FAM131C: variants seen among roughly 807,000 people sequenced by gnomAD.
FAM131C encodes family with sequence similarity 131 member C.
In FAM131C, 14 loss-of-function variants were observed where a neutral mutation model predicts 29.8. That is an observed-to-expected ratio of 0.47 (90% confidence interval 0.31 to 0.73). FAM131C has a LOEUF of 0.73. FAM131C is among the 30% of genes least tolerant of loss of function. The pLI, the probability that FAM131C is intolerant of heterozygous loss-of-function variation, is 0.05. For missense variants in FAM131C, 252 were observed against 383.8 expected, an observed-to-expected ratio of 0.66 and a Z score of 2.87; for synonymous variants, 86 against 157.8, an observed-to-expected ratio of 0.54 and a Z score of 3.41.
At position 16,058,544 on chromosome 1, in the gene FAM131C, G is replaced by A. The variant is rs1238560091; in HGVS notation, c.736C>T (p.Arg246Trp). ...TCGGGTCCTTGGGCCCCGGGCAGCC[G>A]CCGCCGATGCTGCAGCTCTGGGCTG... Reference protein sequence around the residue: ...PPSPELQHRRRLPGAQGPEGG... With the variant: ...PPSPELQHRRWLPGAQGPEGG... The change falls in exon 7 of 7, where the codon CGG becomes TGG. Residue 246 changes from arginine to tryptophan, a missense_variant. By Grantham distance (101) the Arg-to-Trp change is moderately radical. Around this residue, in one of 6 missense-constraint regions of FAM131C, gnomAD observed 42 missense variants for 51.7 expected, o/e 0.81. Coordinates refer to ENST00000375662, the MANE Select transcript of FAM131C (RefSeq NM_182623.3). 8 of 1,526,440 alleles carry A rather than the reference G, an allele frequency of 5.2e-6. No homozygotes were observed. The highest frequency in any genetic ancestry group is 2.7e-5 in the African/African-American group (2 of 72,856). The allele number at this position is 1,526,440 out of a possible 1,614,324, so 94.6% of individuals were successfully genotyped here. A position where few individuals can be genotyped will look rare whatever the true frequency, so the allele number is the denominator to read the frequency against.
rs2023596119 is a variant in FAM131C at position 16,061,695 on chromosome 1, T to C, written c.268+404A>G. Among the ~76,000 whole-genome samples the C allele has an allele frequency of 6.6e-5, 10 of 152,124 alleles. No individual in the cohort carries two copies. In the South Asian group the frequency reaches 2.1e-3, roughly 32 times the overall value. ...CTGCAGAGCCCCTTCCGAAGGCCCCTCTGCCTCCCCCGCTGCCTGCTGGCT... is the reference window on the plus strand; with the variant it reads ...CTGCAGAGCCCCTTCCGAAGGCCCCCCTGCCTCCCCCGCTGCCTGCTGGCT... On this transcript the variant is annotated intron_variant, in intron 4 of 6. Transcript: ENST00000375662.
intron 1 of FAM131C, among the ~76,000 whole-genome samples, chr1:16,067,470 A>G (rs925879108): frequency 6.6e-6 from 1 of 152,090 alleles, no homozygotes; most frequent in African/African-American, 2.4e-5. Context: ...TCCTGACCTC[A>G]AGGTCAGAAT....
rs1298078641 is a variant in FAM131C, at chr1:16,059,894, C to A, written c.426G>T (p.Glu142Asp). Residue 142 changes from glutamate (E) to aspartate (D), a missense_variant, in exon 5 of 7, where the codon GAG becomes GAT. Around this residue, in one of 6 missense-constraint regions of FAM131C, gnomAD observed 38 missense variants for 32.7 expected, o/e 1.16. Transcript: ENST00000375662. ...EDEHYCCLPD[E>D]LREARFAAGV... is the part of the protein sequence containing the mutation. ...CTGCAGCAAAGCGGGCCTCACGCAG[C>A]TCATCCGGGAGGCAGCAGTAATGCT... is the stretch of plus-strand genomic sequence containing the variant. 1 of 1,294,518 alleles carries A rather than the reference C, an allele frequency of 7.7e-7. No individual in the cohort carries two copies. Among genetic ancestry groups the A allele is most frequent in the Non-Finnish European group, 1.0e-6 (1 of 1,001,496 alleles). 80.2% of individuals were successfully genotyped at this position (1,294,518 alleles called of 1,614,324 possible).
intron 1 of FAM131C, among the ~76,000 whole-genome samples, chr1:16,064,492 C>T (rs534852255): frequency 6.6e-6 from 1 of 152,154 alleles, no homozygotes; most frequent in Non-Finnish European, 1.5e-5. Flanking sequence ...CTCCCTCCTG[C>T]GGTGTCACTG....
chr1:16,072,825 A>T (rs2023766689), intron 1 of FAM131C, among the ~76,000 whole-genome samples: 2 of 151,842 alleles, frequency 1.3e-5, no homozygotes, highest in Non-Finnish European at 2.9e-5. Flanking sequence ...GTAACTGGGA[A>T]CATCAGCTGT....
intron 1 of FAM131C, among the ~76,000 whole-genome samples, chr1:16,064,723 G>A (rs1056589577): frequency 3.3e-5 from 5 of 152,008 alleles, no homozygotes; most frequent in Non-Finnish European, 5.9e-5. Context: ...CTCCCTTCTC[G>A]CTGGACGTGC....
In FAM131C at chr1:16,059,563, C is replaced by T. The variant is rs374959632; in HGVS notation, c.493G>A (p.Ala165Thr). The change falls in exon 6 of 7, where the codon GCT (alanine) becomes ACT (threonine). Residue 165 changes from alanine (A) to threonine (T), a missense_variant. Ala to Thr is a moderately conservative substitution (Grantham distance 58). Coordinates refer to ENST00000375662, the MANE Select transcript of FAM131C (RefSeq NM_182623.3). ...QFAITEATLS[A>T]WSSLDEEELH... is the part of the protein sequence containing the mutation. ...TCCTCTTCGTCCAGCGAGGACCAAG[C>T]GCTCAGTGTGGCCTCTGTGATGGCA... The T allele has an allele frequency of 9.3e-6, 15 of 1,606,318 alleles. No homozygotes were observed. The highest frequency in any genetic ancestry group is 4.0e-5 in the African/African-American group (3 of 74,512).
At chr1:16,068,418 C>T (rs761934925) in intron 1 of FAM131C, among the ~76,000 whole-genome samples, 1 of 152,210 alleles carries the variant, frequency 6.6e-6, no homozygotes, top group Non-Finnish European at 1.5e-5. Context: ...CCCTCAGTGT[C>T]TCTCTCTGGA....
intron 1 of FAM131C, among the ~76,000 whole-genome samples, chr1:16,071,378 C>A (rs1024571345): frequency 1.3e-5 from 2 of 152,194 alleles, no homozygotes; most frequent in African/African-American, 4.8e-5. Context: ...CTCAGTTTTC[C>A]CACTTGTAAG....
At chr1:16,065,910 T>TTCTTTTTC (rs1557480062) in intron 1 of FAM131C, among the ~76,000 whole-genome samples, 1 of 149,222 alleles carries the variant, frequency 6.7e-6, no homozygotes, top group South Asian at 2.1e-4. Flanking sequence ...TCTTTTCTTT[T>TTCTTTTTC]TTTTTTGGAG....
intron 3 of FAM131C, 38 bp from the exon 4 acceptor site, chr1:16,062,230 A>C (rs1293571354): frequency 1.3e-6 from 2 of 1,592,662 alleles, no homozygotes; most frequent in Non-Finnish European, 8.6e-7. Flanking sequence ...AGGGTGGGCC[A>C]GGCTGCCGGC....
intron 2 of FAM131C, 21 bp from the exon 3 acceptor site, chr1:16,062,555 G>A (rs1437075367): frequency 6.4e-7 from 1 of 1,567,370 alleles, no homozygotes; most frequent in Non-Finnish European, 8.6e-7. Context: ...AGGAGAGAGA[G>A]GATCAGGCAG....
intron 1 of FAM131C, among the ~76,000 whole-genome samples, chr1:16,064,911 A>G (rs1475535975): frequency 1.3e-5 from 2 of 152,040 alleles, no homozygotes; most frequent in Non-Finnish European, 2.9e-5. Flanking sequence ...TGCCCTCTTG[A>G]GCCTCGCTCT....
intron 1 of FAM131C, among the ~76,000 whole-genome samples, chr1:16,067,123 T>C (rs2023692435): frequency 6.6e-6 from 1 of 152,130 alleles, no homozygotes; most frequent in East Asian, 1.9e-4. Context: ...GGAGGACTCC[T>C]GGCTCCCACC....
At position 16,059,528 on chromosome 1, in the gene FAM131C, G is replaced by A. The variant is rs770837505; in HGVS notation, c.528C>T (p.Pro176=). 3.4e-5 allele frequency: 55 copies of A among 1,609,480 alleles called. No homozygotes were observed. Among genetic ancestry groups the A allele is most frequent in the Middle Eastern group, 1.7e-4 (1 of 6,058 alleles). The change falls in exon 6 of 7, where the codon CCC becomes CCT. Residue 176 remains proline, a synonymous_variant. Coordinates refer to ENST00000375662, the MANE Select transcript of FAM131C (RefSeq NM_182623.3). ...GGACGATGCCTTGGGGGCTGTTCTC[G>A]GGGTGCAGCTCCTCTTCGTCCAGCG... ...WSSLDEEELH[P]ENSPQGIVQL...
At position 16,057,986 on chromosome 1, in the gene FAM131C, C is replaced by T. The variant is rs112143172; in HGVS notation, c.*451G>A. 18 of 163,020 alleles carry T rather than the reference C, an allele frequency of 1.1e-4. No homozygotes were observed. The highest frequency in any genetic ancestry group is 2.9e-3 in the Middle Eastern group (1 of 340). The allele number at this position is 163,020 out of a possible 1,614,324, so 10.1% of individuals were successfully genotyped here. On this transcript the variant is annotated 3_prime_UTR_variant, in exon 7 of 7. Transcript: ENST00000375662. ...GTGCTTAGCTACCAGAAGTGGTCAC[C>T]CCACCTTTGCTGGGGGGCAGACACA...
intron 2 of FAM131C, among the ~76,000 whole-genome samples, chr1:16,062,910 G>A (rs112688718): frequency 0.053 from 8,090 of 152,046 alleles, 93 homozygotes; most frequent in African/African-American, 0.1. Flanking sequence ...ATAACATAAC[G>A]GAGGCTGAGA....
In FAM131C at chr1:16,062,151, T is replaced by C. The variant is rs2863456; in HGVS notation, c.216A>G (p.Arg72=). 1,381,783 of 1,608,780 alleles carry C rather than the reference T, an allele frequency of 0.86. 580,292 individuals carry two copies. The highest frequency in any genetic ancestry group is 0.89 in the Admixed American group (53,205 of 59,834). The change falls in exon 4 of 7, where the codon AGA becomes AGG. Residue 72 remains arginine (R), a synonymous_variant. Transcript: ENST00000375662. ...QTTNGYLSDS[R]SRPGNYNVAA... ...CCACGTTGTAGTTGCCGGGGCGGGA[T>C]CTGGAGTCGGACAGGTAGCCGTTGG...
intron 1 of FAM131C, 21 bp downstream of exon 1, chr1:16,073,399 GC>G (rs1415677124): frequency 8.3e-7 from 1 of 1,198,026 alleles, no homozygotes; most frequent in Non-Finnish European, 1.0e-6. Flanking sequence ...CGATCCCCCC[GC>G]CCCCGGCCGG....
Sources: gnomAD v4.1 joint callset for allele counts (sites outside exome capture counted in the v4.1 genomes callset) on GRCh38, gnomAD v4.1.1 for gene constraint, gnomAD v4.1.1 regional missense constraint, MANE v1.5 for transcripts, NCBI Gene and HGNC (gene_info 2026-07-23, HGNC 2026-07-21) for gene names.